Variants in ME3 observed in about 807,000 individuals in gnomAD.
ME3 encodes malic enzyme 3.
ME3 carries 48 observed loss-of-function variants against 68.9 expected under a neutral mutation model. The ratio of observed to expected loss-of-function variants is 0.70; its 90% CI spans 0.55 to 0.89. The LOEUF (loss-of-function observed/expected upper bound fraction) is 0.89. Ranked by LOEUF, ME3 falls within the 40% of genes least tolerant of loss-of-function variation. ME3 has a pLI of 0.00. For synonymous variants in ME3, 320 were observed against 318.8 expected, an observed-to-expected ratio of 1.00 and a Z score of -0.04; for missense variants, 675 against 797.4, an observed-to-expected ratio of 0.85 and a Z score of 1.85.
chr11:86,551,802 G>T (rs1021359918), intron 4 of ME3, among the ~76,000 whole-genome samples: 1 of 152,166 alleles, frequency 6.6e-6, no homozygotes, highest in African/African-American at 2.4e-5. Context: ...CAGGGCCAAG[G>T]GCTGCTGGCT....
At chr11:86,561,908 C>T (rs1179266251) in intron 2 of ME3, among the ~76,000 whole-genome samples, 2 of 152,232 alleles carry the variant, frequency 1.3e-5, no homozygotes, top group South Asian at 2.1e-4. Flanking sequence ...CCTGGAATCC[C>T]CCAACCTATT....
intron 2 of ME3, among the ~76,000 whole-genome samples, chr11:86,642,153 C>T (rs1944710586): frequency 6.6e-6 from 1 of 152,210 alleles, no homozygotes; most frequent in Non-Finnish European, 1.5e-5. Context: ...CACCCTAAGT[C>T]TTCTAAAAAA....
chr11:86,561,825 C>T (rs187069543), intron 2 of ME3, among the ~76,000 whole-genome samples: 110 of 152,316 alleles, frequency 7.2e-4, no homozygotes, highest in African/African-American at 2.0e-3. Context: ...CTTTTTCCCT[C>T]TACCCTCTTC....
chr11:86,460,731 G>A (rs1950188228), intron 8 of ME3, among the ~76,000 whole-genome samples: 1 of 152,144 alleles, frequency 6.6e-6, no homozygotes, highest in Admixed American at 6.5e-5. Flanking sequence ...ACCCTCTGTG[G>A]TTCTGTGCAT....
chr11:86,564,118 T>A (rs1957364307), intron 2 of ME3, among the ~76,000 whole-genome samples: 1 of 152,224 alleles, frequency 6.6e-6, no homozygotes, highest in Admixed American at 6.5e-5. Flanking sequence ...GTCTCTGATT[T>A]CTTTCAGCAG....
intron 5 of ME3, among the ~76,000 whole-genome samples, chr11:86,506,805 C>A (rs1423139285): frequency 6.6e-6 from 1 of 152,118 alleles, no homozygotes; most frequent in African/African-American, 2.4e-5. Context: ...TTTACAGGAC[C>A]CCAGCAGCAT....
chr11:86,457,806 T>A, intron 8 of ME3: 4 of 1,258,272 alleles, frequency 3.2e-6, no homozygotes, highest in Non-Finnish European at 4.1e-6. Context: ...AGAGGGAGAT[T>A]TCCATAATTA....
At chr11:86,587,423 G>A (rs1958804474) in intron 2 of ME3, among the ~76,000 whole-genome samples, 1 of 152,214 alleles carries the variant, frequency 6.6e-6, no homozygotes, top group Admixed American at 6.5e-5. Context: ...GTGGCAAGAT[G>A]TGATTGTCAC....
chr11:86,642,772 A>C (rs661115), intron 2 of ME3, among the ~76,000 whole-genome samples: 150,107 of 152,272 alleles, frequency 0.99, 74,014 homozygotes, highest in Non-Finnish European at 1. Flanking sequence ...CTCAAAGTAC[A>C]CCTTCATGAA....
At chr11:86,482,451 T>C (rs1050984469) in intron 7 of ME3, among the ~76,000 whole-genome samples, 3 of 151,896 alleles carry the variant, frequency 2.0e-5, no homozygotes, top group African/African-American at 4.8e-5. Context: ...TTCTCACGCC[T>C]TCCTATAGTG....
intron 2 of ME3, among the ~76,000 whole-genome samples, chr11:86,630,555 T>G (rs973986245): frequency 6.6e-5 from 10 of 152,308 alleles, no homozygotes; most frequent in African/African-American, 1.9e-4. Context: ...AAAAGCAACA[T>G]TATAATTTTA....
chr11:86,539,733 T>A (rs911230858), intron 4 of ME3, among the ~76,000 whole-genome samples: 1 of 152,156 alleles, frequency 6.6e-6, no homozygotes, highest in Admixed American at 6.5e-5. Flanking sequence ...AGAAGTCCAT[T>A]TTCCACCACC....
intron 6 of ME3, 47 bp from the exon 7 acceptor site, chr11:86,487,487 G>T (rs201770294): frequency 3.7e-5 from 43 of 1,168,670 alleles, no homozygotes; most frequent in South Asian, 4.6e-5. Flanking sequence ...CGGTGTTCCT[G>T]TTTTTTTTTT....
chr11:86,612,401 G>A (rs997554058), intron 2 of ME3, among the ~76,000 whole-genome samples: 14 of 152,288 alleles, frequency 9.2e-5, no homozygotes, highest in African/African-American at 3.4e-4. Flanking sequence ...ATAGGAGAAT[G>A]ATTTATATTC....
At chr11:86,479,814 T>TTTC (rs1555208146) in intron 7 of ME3, among the ~76,000 whole-genome samples, 1 of 133,162 alleles carries the variant, frequency 7.5e-6, no homozygotes, top group African/African-American at 2.7e-5. Flanking sequence ...TGATGTCTTT[T>TTTC]TTTCTTTCTT....
Position 86,672,221 on chromosome 11 carries a change from C to G in ME3, c.-15+103G>C, listed in dbSNP as rs1456180390. 11 of 393,162 alleles carry G rather than the reference C, an allele frequency of 2.8e-5. No homozygotes were observed. In the East Asian group the frequency reaches 4.4e-4, roughly 16 times the overall value. The allele number at this position is 393,162 out of a possible 1,614,324, so 24.4% of individuals were successfully genotyped here. ...GTGCGGGTGACAGCCGGCGCCACCC[C>G]TGCCCCCATCCCTGTGAAAAAGAGG... On this transcript the variant is annotated intron_variant, in intron 1 of 14. Coordinates refer to ENST00000543262, the Ensembl canonical transcript of ME3.
At chr11:86,569,581 G>C (rs1957677838) in intron 2 of ME3, among the ~76,000 whole-genome samples, 1 of 152,150 alleles carries the variant, frequency 6.6e-6, no homozygotes, top group African/African-American at 2.4e-5. Context: ...GGGAGGTAGA[G>C]AGTTTGAAGA....
At chr11:86,641,304 C>T (rs908782688) in intron 2 of ME3, among the ~76,000 whole-genome samples, 1 of 152,148 alleles carries the variant, frequency 6.6e-6, no homozygotes, top group Admixed American at 6.5e-5. Flanking sequence ...GAAAGTACCA[C>T]AGAAAAGGTT....
At chr11:86,616,995 T>A (rs1943000633) in intron 2 of ME3, among the ~76,000 whole-genome samples, 1 of 150,368 alleles carries the variant, frequency 6.7e-6, no homozygotes, top group Non-Finnish European at 1.5e-5. Context: ...CATGAACTCT[T>A]GTACTACCTT....
Sources: gnomAD v4.1 joint callset for allele counts (sites outside exome capture counted in the v4.1 genomes callset) on GRCh38, gnomAD v4.1.1 for gene constraint, MANE v1.5 for transcripts, NCBI Gene and HGNC (gene_info 2026-07-23, HGNC 2026-07-21) for gene names.